The following PGM2L1 variants were observed in gnomAD, a reference collection of about 807,000 sequenced individuals.
PGM2L1 encodes phosphoglucomutase 2 like 1, also known as glucose 1,6-bisphosphate synthase.
A neutral mutation model predicts 73.4 loss-of-function variants in PGM2L1; 35 were observed. The observed-to-expected ratio is 0.48, with a 90% CI of 0.36 to 0.63. PGM2L1 has a LOEUF of 0.63. Ranked by LOEUF, PGM2L1 falls within the 30% of genes least tolerant of loss-of-function variation. The pLI is 0.00. For missense variants in PGM2L1, 570 were observed against 742.0 expected (o/e 0.77, Z 2.69); for synonymous variants, 225 against 253.8 (o/e 0.89, Z 1.08).
At chr11:74,337,332 T>C (rs1207393771) in intron 13 of PGM2L1, among the ~76,000 whole-genome samples, 18 of 152,258 alleles carry the variant, frequency 1.2e-4, no homozygotes, top group Admixed American at 9.2e-4. Flanking sequence ...CTTATTACTT[T>C]AATAATCTTC....
chr11:74,398,086 C>G lies in PGM2L1; in HGVS notation c.76G>C (p.Asp26His), dbSNP rs1591198104. 6.2e-7 allele frequency: 1 copy of G among 1,612,656 alleles called. No individual in the cohort carries two copies. Among genetic ancestry groups the G allele is most frequent in the Non-Finnish European group, 8.5e-7 (1 of 1,179,132 alleles). Reference sequence around the variant, plus strand: ...CGGAGCCACTGCCCGATGGCCGTGTCCAGCTGAGGGTCCCCGGTGTGGTAG... The same window carrying G: ...CGGAGCCACTGCCCGATGGCCGTGTGCAGCTGAGGGTCCCCGGTGTGGTAG... The part of the protein sequence containing the change: ...APYHTGDPQL[D>H]TAIGQWLRWD... The change falls in exon 1 of 14, where the codon GAC becomes CAC. Residue 26 changes from aspartate to histidine, a missense_variant. Transcript: ENST00000298198.
chr11:74,365,016 A>C (rs922715085), intron 5 of PGM2L1, among the ~76,000 whole-genome samples: 2 of 151,708 alleles, frequency 1.3e-5, no homozygotes, highest in African/African-American at 4.8e-5. Context: ...CCAAAACAGA[A>C]ATATAGACCA....
chr11:74,375,517 A>G (rs1862841584), intron 1 of PGM2L1, among the ~76,000 whole-genome samples: 1 of 152,228 alleles, frequency 6.6e-6, no homozygotes. Flanking sequence ...AATTCAGTCC[A>G]TTCTATTTGC....
At chr11:74,346,268 T>A (rs1862262016) in intron 8 of PGM2L1, among the ~76,000 whole-genome samples, 1 of 45,756 alleles carries the variant, frequency 2.2e-5, no homozygotes, top group Non-Finnish European at 3.6e-5. Context: ...AAACTATGTC[T>A]CCAAAAAAAA....
At position 74,334,333 on chromosome 11, in the gene PGM2L1, C is replaced by G. The variant is rs548880365; in HGVS notation, c.*2319G>C. ...AAACACAGAACTAAACCAAATATAC[C>G]TGTTTTTCATATATACAACATTATA... On this transcript the variant is annotated 3_prime_UTR_variant, in exon 14 of 14. Transcript: ENST00000298198. 6.6e-6 allele frequency: 1 copy of G among 152,248 alleles called. No individual in the cohort carries two copies. Among genetic ancestry groups the G allele is most frequent in the Non-Finnish European group, 1.5e-5 (1 of 68,024 alleles). 9.4% of individuals were successfully genotyped at this position (152,248 alleles called of 1,614,324 possible).
At chr11:74,384,668 G>GTTGT (rs1555102365) in intron 1 of PGM2L1, among the ~76,000 whole-genome samples, 2 of 152,008 alleles carry the variant, frequency 1.3e-5, no homozygotes, top group Non-Finnish European at 2.9e-5. Context: ...TGTTGTTGTT[G>GTTGT]TTGTTTGTTT....
At chr11:74,376,965 T>C (rs1055985313) in intron 1 of PGM2L1, among the ~76,000 whole-genome samples, 7 of 152,162 alleles carry the variant, frequency 4.6e-5, no homozygotes, top group Non-Finnish European at 8.8e-5. Flanking sequence ...TTATAAACTT[T>C]TAAAAATATA....
In PGM2L1 at chr11:74,383,824, A is replaced by AATAAATATATATATATATATATATAT. The variant is rs61026077; in HGVS notation, c.112-9243_112-9242insATATATATATATATATATATATTTAT. On this transcript the variant is annotated intron_variant, in intron 1 of 13. Transcript: ENST00000298198. ...AGTATTCTATGGAGATATATAAATA[A>AATAAATATATATATATATATATATAT]ATATATATATATATATATAACATTT... 1.3e-3 allele frequency among the ~76,000 whole-genome samples: 161 copies of AATAAATATATATATATATATATATAT among 121,764 alleles called. 2 individuals are homozygous for AATAAATATATATATATATATATATAT. The highest frequency in any genetic ancestry group is 4.9e-3 in the African/African-American group (140 of 28,670). The allele number at this position is 121,764 out of a possible 152,430, so 79.9% of individuals were successfully genotyped here.
chr11:74,336,923 CAA>C (rs1862106975), intron 13 of PGM2L1, among the ~76,000 whole-genome samples, 169 bp from the exon 14 acceptor site: 2 of 151,410 alleles, frequency 1.3e-5, no homozygotes, highest in Non-Finnish European at 2.9e-5. Context: ...AAATTACACA[CAA>C]AGAAAACACT....
At position 74,334,040 on chromosome 11, in the gene PGM2L1, A is replaced by AGTATCATGCTCAGAC. The variant is rs1366289597; in HGVS notation, c.*2597_*2611dup. On this transcript the variant is annotated 3_prime_UTR_variant, in exon 14 of 14. Coordinates refer to ENST00000298198, the MANE Select transcript of PGM2L1 (RefSeq NM_173582.6). Reference sequence around the variant, plus strand: ...CACCTACTACATCAAGTTCATGTTAAGTATCATGCTCAGACAGACTCATGA... The same window carrying AGTATCATGCTCAGAC: ...CACCTACTACATCAAGTTCATGTTAAGTATCATGCTCAGACGTATCATGCTCAGACAGACTCATGA... The AGTATCATGCTCAGAC allele has an allele frequency of 2.0e-5, 3 of 152,246 alleles. No individual in the cohort carries two copies. Among genetic ancestry groups the AGTATCATGCTCAGAC allele is most frequent in the Non-Finnish European group, 4.4e-5 (3 of 68,044 alleles). The allele number at this position is 152,246 out of a possible 1,614,324, so 9.4% of individuals were successfully genotyped here.
At chr11:74,390,406 T>C (rs962260104) in intron 1 of PGM2L1, among the ~76,000 whole-genome samples, 2 of 152,218 alleles carry the variant, frequency 1.3e-5, no homozygotes, top group Admixed American at 1.3e-4. Context: ...CTCATCTCTT[T>C]TTGTGGCTTG....
intron 8 of PGM2L1, 24 bp from the exon 9 acceptor site, chr11:74,345,673 T>C (rs759083496): frequency 1.9e-6 from 3 of 1,599,278 alleles, no homozygotes; most frequent in Non-Finnish European, 2.6e-6. Context: ...GAAAATACAA[T>C]GTCAAGACCT....
intron 1 of PGM2L1, among the ~76,000 whole-genome samples, chr11:74,384,333 T>C (rs183572574): frequency 4.3e-3 from 655 of 152,230 alleles, no homozygotes; most frequent in Middle Eastern, 0.01. Flanking sequence ...TTTTCATTTC[T>C]CCACCAATTT....
intron 5 of PGM2L1, among the ~76,000 whole-genome samples, chr11:74,360,768 C>T (rs979413788): frequency 7.9e-5 from 12 of 152,204 alleles, no homozygotes; most frequent in East Asian, 3.9e-4. Flanking sequence ...GAGCCTGGCT[C>T]GGAGGGTCCC....
At chr11:74,357,661 A>G (rs1862479786) in intron 5 of PGM2L1, among the ~76,000 whole-genome samples, 1 of 152,184 alleles carries the variant, frequency 6.6e-6, no homozygotes, top group South Asian at 2.1e-4. Context: ...ATGATTCAGC[A>G]CTCACACTCC....
At position 74,343,427 on chromosome 11, in the gene PGM2L1, G is replaced by A. The variant is rs1300424611; in HGVS notation, c.1219-11C>T. 1 of 1,603,346 alleles carries A rather than the reference G, an allele frequency of 6.2e-7. No homozygotes were observed. Among genetic ancestry groups the A allele is most frequent in the African/African-American group, 1.3e-5 (1 of 74,204 alleles). The stretch of plus-strand genomic sequence containing the variant: ...ACCTGGTAATGTTTCCTGAAATGCA[G>A]AGGAGGCCACTCTAGTTAAGTGACT... On this transcript the variant is annotated splice_polypyrimidine_tract_variant and intron_variant, in intron 9 of 13. Transcript: ENST00000298198.
intron 6 of PGM2L1, among the ~76,000 whole-genome samples, chr11:74,350,154 C>A (rs999107984): frequency 6.6e-6 from 1 of 152,102 alleles, no homozygotes; most frequent in African/African-American, 2.4e-5. Flanking sequence ...GAGCTGGTAG[C>A]ATTTAGCTAG....
intron 3 of PGM2L1, 82 bp from the exon 4 acceptor site, chr11:74,371,068 T>C: frequency 9.8e-7 from 1 of 1,023,056 alleles, no homozygotes; most frequent in Non-Finnish European, 1.5e-6. Context: ...TTTCATATTA[T>C]AATTAGTCTG....
At chr11:74,395,627 G>A (rs983544882) in intron 1 of PGM2L1, among the ~76,000 whole-genome samples, 5 of 129,578 alleles carry the variant, frequency 3.9e-5, no homozygotes, top group South Asian at 2.4e-4. Context: ...GGCTGGTCTC[G>A]AACTCCTGAC....
Sources: allele counts gnomAD v4.1 joint callset (sites outside exome capture counted in the v4.1 genomes callset), GRCh38; gene constraint gnomAD v4.1.1; transcripts MANE v1.5; gene names NCBI Gene and HGNC (gene_info 2026-07-23, HGNC 2026-07-21).